SDHAF4: variants seen among roughly 807,000 people sequenced by gnomAD.
SDHAF4 encodes succinate dehydrogenase complex assembly factor 4.
Under a neutral mutation model 14.3 loss-of-function variants are expected in SDHAF4, and 14 were observed. The observed-to-expected ratio is 0.98, with a 90% CI of 0.65 to 1.53. The LOEUF is 1.53. SDHAF4 is among the 40% of genes most tolerant of loss of function. The pLI, the probability that SDHAF4 is intolerant of heterozygous loss-of-function variation, is 0.00. For missense variants in SDHAF4, 141 were observed against 129.3 expected (o/e 1.09, Z -0.44); for synonymous variants, 63 against 47.3 (o/e 1.33, Z -1.36).
At chr6:70,575,705 GTA>G (rs35133585) in intron 1 of SDHAF4, among the ~76,000 whole-genome samples, 1 of 142,602 alleles carries the variant, frequency 7.0e-6, no homozygotes, top group Admixed American at 6.8e-5. Flanking sequence ...TGTTGTTTTT[GTA>G]TATGTGTGTG....
chr6:70,576,241 T>A (rs1001516308), intron 1 of SDHAF4, among the ~76,000 whole-genome samples: 3 of 152,240 alleles, frequency 2.0e-5, no homozygotes, highest in African/African-American at 7.2e-5. Flanking sequence ...GGGCATTATC[T>A]TCCCCCGTGT....
intron 1 of SDHAF4, among the ~76,000 whole-genome samples, chr6:70,571,427 G>T (rs1802176573): frequency 6.6e-6 from 1 of 152,216 alleles, no homozygotes; most frequent in African/African-American, 2.4e-5. Flanking sequence ...TTATTCTTCT[G>T]CCTCAGCCTC....
At chr6:70,567,787 G>T (rs983917333) in intron 1 of SDHAF4, 1 of 152,154 alleles carries the variant, frequency 6.6e-6, no homozygotes, top group African/African-American at 2.4e-5. Flanking sequence ...CCAGGTTCAC[G>T]CCATTCTCCT....
chr6:70,568,784 G>C (rs118078855), intron 1 of SDHAF4, among the ~76,000 whole-genome samples: 1 of 152,094 alleles, frequency 6.6e-6, no homozygotes, highest in African/African-American at 2.4e-5. Flanking sequence ...TACCAGCAGT[G>C]TATTGGAGTT....
chr6:70,577,491 C>T (rs1346761045), intron 1 of SDHAF4, among the ~76,000 whole-genome samples: 2 of 152,120 alleles, frequency 1.3e-5, no homozygotes, highest in Admixed American at 1.3e-4. Context: ...ATAGAAAGTT[C>T]AACTCTTTTT....
intron 1 of SDHAF4, among the ~76,000 whole-genome samples, chr6:70,575,562 T>C (rs953931673): frequency 6.6e-6 from 1 of 152,208 alleles, no homozygotes; most frequent in African/African-American, 2.4e-5. Flanking sequence ...TTATCATTAT[T>C]TACTTTCGTA....
chr6:70,569,410 A>T (rs1802151966), intron 1 of SDHAF4, among the ~76,000 whole-genome samples: 1 of 152,074 alleles, frequency 6.6e-6, no homozygotes, highest in Non-Finnish European at 1.5e-5. Flanking sequence ...CTGGTATTAC[A>T]GGCGCCCACC....
At chr6:70,585,967 T>G (rs915674106) in intron 2 of SDHAF4, among the ~76,000 whole-genome samples, 1 of 152,210 alleles carries the variant, frequency 6.6e-6, no homozygotes, top group Non-Finnish European at 1.5e-5. Context: ...TTAATCTGTC[T>G]TTTGTCAGTT....
At chr6:70,573,383 C>A (rs930222405) in intron 1 of SDHAF4, among the ~76,000 whole-genome samples, 1 of 149,158 alleles carries the variant, frequency 6.7e-6, no homozygotes, top group African/African-American at 2.5e-5. Context: ...CCTGCCTCAG[C>A]CTCCTGAGTA....
the SDHAF4 span, among the ~76,000 whole-genome samples, chr6:70,597,979 C>T: frequency 6.6e-6 from 1 of 152,326 alleles, no homozygotes; most frequent in South Asian, 2.1e-4. Context: ...ATCGAACTAA[C>T]AATGAATATG....
At position 70,568,962 on chromosome 6, in the gene SDHAF4, C is replaced by CTTTTTTTTTTTTTTTTTTTTTTTTTT. The variant is rs5877254; in HGVS notation, c.64+1979_64+1980insTTTTTTTTTTTTTTTTTTTTTTTTTT. On this transcript the variant is annotated intron_variant, in intron 1 of 2. Transcript: ENST00000370474. ...TTTGTGAAATACCTCTTTCTTTTTT[C>CTTTTTTTTTTTTTTTTTTTTTTTTTT]TTTTTTTTTTTTTTTTTTTTTGAGG... Among the ~76,000 whole-genome samples the CTTTTTTTTTTTTTTTTTTTTTTTTTT allele has an allele frequency of 7.1e-5, 7 of 98,000 alleles. 2 individuals are homozygous for CTTTTTTTTTTTTTTTTTTTTTTTTTT. Among genetic ancestry groups the CTTTTTTTTTTTTTTTTTTTTTTTTTT allele is most frequent in the African/African-American group, 2.9e-4 (7 of 23,736 alleles). The allele number at this position is 98,000 out of a possible 152,430, so 64.3% of individuals were successfully genotyped here. A position where few individuals can be genotyped will look rare whatever the true frequency, so the allele number is the denominator to read the frequency against.
rs73482214 is a variant in SDHAF4, at chr6:70,585,939, C to T, written c.218-2676C>T. On this transcript the variant is annotated intron_variant, in intron 2 of 2. Transcript: ENST00000370474. ...GTGCTATGCAGGATAAAATAAAAGC[C>T]GTATGCCTTTTCTTCTGTTAATCTG... Among the ~76,000 whole-genome samples, 900 of 152,178 alleles carry T rather than the reference C, an allele frequency of 5.9e-3. 5 individuals are homozygous for T. The highest frequency in any genetic ancestry group is 0.02 in the African/African-American group (848 of 41,508).
downstream of SDHAF4, among the ~76,000 whole-genome samples, chr6:70,591,837 A>G (rs1261482345): frequency 6.6e-6 from 1 of 152,214 alleles, no homozygotes; most frequent in Non-Finnish European, 1.5e-5. Flanking sequence ...TTAATCCCCA[A>G]TGTCTCAGTA....
At chr6:70,583,756 G>A (rs1765167936) in intron 2 of SDHAF4, among the ~76,000 whole-genome samples, 1 of 152,110 alleles carries the variant, frequency 6.6e-6, no homozygotes, top group African/African-American at 2.4e-5. Context: ...TTTGTGTTGG[G>A]CCACATTCAA....
intron 2 of SDHAF4, among the ~76,000 whole-genome samples, chr6:70,582,181 CCT>C (rs1291132254): frequency 6.6e-6 from 1 of 152,096 alleles, no homozygotes; most frequent in Non-Finnish European, 1.5e-5. Context: ...CCCTACTCAG[CCT>C]CTCCTGTAAC....
At chr6:70,595,039 T>C in the SDHAF4 span, among the ~76,000 whole-genome samples, 2 of 152,148 alleles carry the variant, frequency 1.3e-5, no homozygotes, top group African/African-American at 4.8e-5. Flanking sequence ...TAAAATGGAC[T>C]AGCTCAGTCA....
At chr6:70,589,600 G>GA (rs1765241047), downstream of SDHAF4, 3 of 152,148 alleles carry the variant, frequency 2.0e-5, no homozygotes, top group African/African-American at 7.2e-5. Context: ...AGGGGATAGT[G>GA]GCTTTTAACA....
intron 1 of SDHAF4, among the ~76,000 whole-genome samples, chr6:70,572,998 C>T (rs1447270482): frequency 8.5e-5 from 13 of 152,052 alleles, no homozygotes; most frequent in African/African-American, 2.7e-4. Flanking sequence ...TTCTGAGAGA[C>T]AGAGTCTTGT....
At chr6:70,574,802 G>T (rs1802229163) in intron 1 of SDHAF4, among the ~76,000 whole-genome samples, 1 of 152,086 alleles carries the variant, frequency 6.6e-6, no homozygotes, top group Non-Finnish European at 1.5e-5. Flanking sequence ...GTGTTGTGTG[G>T]CTGTAGTCCC....
Sources: allele counts gnomAD v4.1 joint callset (sites outside exome capture counted in the v4.1 genomes callset), GRCh38; gene constraint gnomAD v4.1.1; transcripts MANE v1.5; gene names NCBI Gene and HGNC (gene_info 2026-07-23, HGNC 2026-07-21).